Variants in ARID3B observed in about 807,000 individuals in gnomAD.
The protein encoded by ARID3B is AT-rich interaction domain 3B, also known as AT-rich interactive domain-containing protein 3B.
ARID3B carries 10 observed loss-of-function variants against 51.9 expected under a neutral mutation model. The observed-to-expected ratio is 0.19, with a 90% CI of 0.12 to 0.33. ARID3B has a LOEUF of 0.33. ARID3B is among the 10% of genes least tolerant of loss of function. The probability of loss-of-function intolerance (pLI) is 1.00; values close to 1 mark genes in which losing one functional copy is unlikely to be tolerated. For synonymous variants in ARID3B, 205 were observed against 279.5 expected, an observed-to-expected ratio of 0.73 and a Z score of 2.66; for missense variants, 483 against 716.3, an observed-to-expected ratio of 0.67 and a Z score of 3.72.
chr15:74,555,563 T>G (rs1437266499), intron 2 of ARID3B, among the ~76,000 whole-genome samples: 6 of 151,978 alleles, frequency 3.9e-5, no homozygotes, highest in African/African-American at 1.5e-4. Flanking sequence ...AAACTCCTGG[T>G]TCAAGCAATC....
Position 74,596,795 on chromosome 15 carries a change from GTTTTT to G in ARID3B, c.*1027_*1031del, listed in dbSNP as rs56663733. 1.4e-5 allele frequency: 3 copies of G among 217,988 alleles called. No homozygotes were observed. Among genetic ancestry groups the G allele is most frequent in the African/African-American group, 4.5e-5 (2 of 44,656 alleles). 13.5% of individuals were successfully genotyped at this position (217,988 alleles called of 1,614,324 possible). On this transcript the variant is annotated 3_prime_UTR_variant, in exon 9 of 9. Coordinates refer to ENST00000346246, the MANE Select transcript of ARID3B (RefSeq NM_006465.4). ...TTTTATATGTGTTTTGCTGACTTTT[GTTTTT>G]TTTTTATTTTAAAATTTTTATCGTA... is the stretch of plus-strand genomic sequence containing the variant.
intron 1 of ARID3B, 38 bp from the exon 2 acceptor site, chr15:74,543,822 T>G: frequency 7.2e-7 from 1 of 1,385,360 alleles, no homozygotes; most frequent in East Asian, 2.3e-5. Context: ...TGGTTGTTTT[T>G]TCCCCCTCCT....
intron 2 of ARID3B, among the ~76,000 whole-genome samples, chr15:74,556,787 T>G (rs1196402643): frequency 6.7e-6 from 1 of 148,506 alleles, no homozygotes; most frequent in Non-Finnish European, 1.5e-5. Flanking sequence ...TTTTTTTTTT[T>G]TTTTTGAGAC....
At chr15:74,556,912 C>A (rs76075806) in intron 2 of ARID3B, among the ~76,000 whole-genome samples, 1 of 151,340 alleles carries the variant, frequency 6.6e-6, no homozygotes, top group African/African-American at 2.4e-5. Context: ...GTAGCTGGGA[C>A]TACAGGCGTG....
intron 2 of ARID3B, among the ~76,000 whole-genome samples, chr15:74,566,706 G>A (rs1157929202): frequency 5.3e-5 from 8 of 152,080 alleles, no homozygotes; most frequent in Non-Finnish European, 1.2e-4. Flanking sequence ...TCATTGTAGG[G>A]TGGAAAGCAA....
intron 4 of ARID3B, chr15:74,574,894 C>G (rs2061731954): frequency 6.6e-6 from 1 of 150,636 alleles, no homozygotes; most frequent in African/African-American, 2.4e-5. Context: ...TCCAGCTACT[C>G]AGGAGGCTGA....
At chr15:74,563,695 G>A (rs1315578844) in intron 2 of ARID3B, among the ~76,000 whole-genome samples, 1 of 152,182 alleles carries the variant, frequency 6.6e-6, no homozygotes, top group African/African-American at 2.4e-5. Flanking sequence ...AAGGGTTGGA[G>A]TAAGCCGTAG....
intron 2 of ARID3B, among the ~76,000 whole-genome samples, chr15:74,560,041 ACCACACACAC>A (rs2061674028): frequency 9.5e-5 from 13 of 137,234 alleles, no homozygotes; most frequent in Admixed American, 2.2e-4. Context: ...TAAAAAAAAA[ACCACACACAC>A]AAAAATTAGC....
At chr15:74,552,056 C>CTTTTTTTTTTTTTTTTTT (rs869096001) in intron 2 of ARID3B, among the ~76,000 whole-genome samples, 1 of 102,610 alleles carries the variant, frequency 9.7e-6, no homozygotes, top group African/African-American at 4.0e-5. Flanking sequence ...TCTTTCTTTC[C>CTTTTTTTTTTTTTTTTTT]TTTTTTTTTT....
chr15:74,544,021 G>A lies in ARID3B; in HGVS notation c.85G>A (p.Glu29Lys), dbSNP rs1240703954. The A allele has an allele frequency of 5.6e-6, 9 of 1,611,464 alleles. No individual in the cohort carries two copies. The highest frequency in any genetic ancestry group is 6.8e-6 in the Non-Finnish European group (8 of 1,178,994). ...GGCTCCTCTGCAGATGGATGCCAGA[G>A]AGAAGCAGGGCCAGCAGATGAGAGA... is the stretch of plus-strand genomic sequence containing the variant. ...HLAPLQMDAR[E>K]KQGQQMREAQ... is the part of the protein sequence containing the mutation. The change falls in exon 2 of 9, where the codon GAG (glutamate) becomes AAG (lysine). Residue 29 changes from glutamate to lysine, a missense_variant. Glu to Lys is a moderately conservative substitution (Grantham distance 56). This residue lies in a region of ARID3B where 182 missense variants were observed against 244.5 expected (regional missense o/e 0.74). Transcript: ENST00000346246.
Position 74,597,527 on chromosome 15 carries a change from A to G in ARID3B, c.*1753A>G, listed in dbSNP as rs145997889. The G allele has an allele frequency of 0.016, 8,783 of 535,794 alleles. 108 individuals carry two copies. The highest frequency in any genetic ancestry group is 0.025 in the Non-Finnish European group (6,832 of 276,748). 33.2% of individuals were successfully genotyped at this position (535,794 alleles called of 1,614,324 possible). The stretch of plus-strand genomic sequence containing the variant: ...CCCACACACATACACACACACACAC[A>G]CATACCCCATCTCCCGAGGGCTGAC... On this transcript the variant is annotated 3_prime_UTR_variant, in exon 9 of 9. Transcript: ENST00000346246.
At chr15:74,544,542 G>T (rs894909137) in intron 2 of ARID3B, 54 bp downstream of exon 2, 3 of 1,556,710 alleles carry the variant, frequency 1.9e-6, no homozygotes, top group Non-Finnish European at 2.6e-6. Context: ...CCAGAGAGGG[G>T]TCATGGACTG....
chr15:74,544,101 C>T lies in ARID3B; in HGVS notation c.165C>T (p.Ala55=). Residue 55 remains alanine (A), a synonymous_variant, in exon 2 of 9, where the codon GCC becomes GCT. Transcript: ENST00000346246. The part of the protein sequence containing the change: ...KLVTQPTLLS[A]TAGRPSGSTP... ...TCACACAGCCGACTCTCCTTTCCGC[C>T]ACAGCTGGGAGACCTTCTGGCAGCA... 6.2e-7 allele frequency: 1 copy of T among 1,613,990 alleles called. No homozygotes were observed. Among genetic ancestry groups the T allele is most frequent in the Non-Finnish European group, 8.5e-7 (1 of 1,179,876 alleles).
chr15:74,587,745 G>T (rs1399814290), intron 4 of ARID3B, among the ~76,000 whole-genome samples: 1 of 152,152 alleles, frequency 6.6e-6, no homozygotes, highest in Non-Finnish European at 1.5e-5. Flanking sequence ...TTCTGGTAGG[G>T]GGAAGGTTTA....
intron 4 of ARID3B, among the ~76,000 whole-genome samples, chr15:74,583,378 T>C (rs1331300601): frequency 6.6e-6 from 1 of 152,044 alleles, no homozygotes; most frequent in Non-Finnish European, 1.5e-5. Flanking sequence ...GGGATGGATA[T>C]TGATTGGAAA....
At chr15:74,574,807 A>T (rs1460944268) in intron 4 of ARID3B, 1 of 152,182 alleles carries the variant, frequency 6.6e-6, no homozygotes, top group Non-Finnish European at 1.5e-5. Context: ...GGTCGAGACC[A>T]TCCTGGCCAA....
At chr15:74,593,950 GGAGGAT>G in intron 8 of ARID3B, among the ~76,000 whole-genome samples, 1 of 151,846 alleles carries the variant, frequency 6.6e-6, no homozygotes, top group Non-Finnish European at 1.5e-5. Flanking sequence ...GCTGAGGCCA[GGAGGAT>G]CACTTGAGCC....
chr15:74,555,330 CTT>C (rs368675479), intron 2 of ARID3B, among the ~76,000 whole-genome samples: 2 of 148,406 alleles, frequency 1.3e-5, no homozygotes, highest in Admixed American at 1.4e-4. Context: ...ACGATTGACT[CTT>C]TTTTTTTTCT....
In ARID3B at chr15:74,552,611, C is replaced by G. The variant is rs928124218; in HGVS notation, c.552+8123C>G. Among the ~76,000 whole-genome samples, 10 of 152,010 alleles carry G rather than the reference C, an allele frequency of 6.6e-5. 1 individual carries two copies. In the South Asian group the frequency reaches 1.9e-3, roughly 28 times the overall value. ...CTTCACCTATTCATCTTTCCCTCCC[C>G]CTTAACCCCTGGCAGCCCCTGATTC... On this transcript the variant is annotated intron_variant, in intron 2 of 8. Coordinates refer to ENST00000346246, the MANE Select transcript of ARID3B (RefSeq NM_006465.4).
Sources: gnomAD v4.1 joint callset for allele counts (sites outside exome capture counted in the v4.1 genomes callset) on GRCh38, gnomAD v4.1.1 for gene constraint, gnomAD v4.1.1 regional missense constraint, MANE v1.5 for transcripts, NCBI Gene and HGNC (gene_info 2026-07-23, HGNC 2026-07-21) for gene names.